DMD: variants seen among roughly 807,000 people sequenced by gnomAD.
DMD encodes the protein dystrophin.
DMD carries 63 observed loss-of-function variants against 330.1 expected under a neutral mutation model. The observed-to-expected ratio is 0.19, with a 90% CI of 0.16 to 0.24. The LOEUF (loss-of-function observed/expected upper bound fraction) is 0.24. Ranked by LOEUF, DMD falls within the 10% of genes least tolerant of loss-of-function variation. The pLI, the probability that DMD is intolerant of heterozygous loss-of-function variation, is 1.00. For missense variants in DMD, 3,344 were observed against 2,684.1 expected (o/e 1.25, Z -5.43); for synonymous variants, 1,223 against 959.8 (o/e 1.27, Z -5.07).
At chrX:31,331,768 C>T (rs904937922) in intron 61 of DMD, among the ~76,000 whole-genome samples, 3 of 111,764 alleles carry the variant, frequency 2.7e-5, no homozygotes, top group Non-Finnish European at 3.8e-5. Flanking sequence ...TTTTAAAAGA[C>T]GACAGGCAGT....
intron 20 of DMD, among the ~76,000 whole-genome samples, chrX:32,486,734 A>G (rs1015940009): frequency 2.8e-5 from 3 of 106,545 alleles, no homozygotes; most frequent in African/African-American, 1.0e-4. Context: ...AAACCTGACA[A>G]AAACAAGCAA....
chrX:33,217,082 A>G lies in DMD; in HGVS notation c.7+122177T>C, dbSNP rs767279381. Among the ~76,000 whole-genome samples the G allele has an allele frequency of 2.7e-5, 3 of 111,757 alleles. No individual in the cohort carries two copies. In the East Asian group the frequency reaches 8.4e-4, roughly 31 times the overall value. On this transcript the variant is annotated intron_variant, in intron 1 of 17. Transcript: ENST00000288447. ...TTATATAAAATTCACAAATTTATTG[A>G]TTAGGGAAAAAATCATTATGGATCA... is the stretch of plus-strand genomic sequence containing the variant.
At chrX:32,844,417 A>AAAAAGAAAAG (rs1281080010) in intron 4 of DMD, among the ~76,000 whole-genome samples, 5 of 59,242 alleles carry the variant, frequency 8.4e-5, no homozygotes, top group African/African-American at 3.6e-4. Context: ...AAAAAAAAAA[A>AAAAAGAAAAG]AAAAGAAAAG....
chrX:31,809,271 T>C (rs1411758325), intron 50 of DMD, among the ~76,000 whole-genome samples: 1 of 107,118 alleles, frequency 9.3e-6, no homozygotes, highest in African/African-American at 3.3e-5. Context: ...TATAACCATA[T>C]ATAGTGACAT....
intron 53 of DMD, among the ~76,000 whole-genome samples, chrX:31,677,986 C>T (rs2082172470): frequency 8.9e-6 from 1 of 112,077 alleles, no homozygotes; most frequent in Non-Finnish European, 1.9e-5. Flanking sequence ...TCCTTTTCTG[C>T]AGTGGCTTTT....
chrX:32,469,277 T>A (rs931523895), intron 22 of DMD, among the ~76,000 whole-genome samples: 2 of 110,778 alleles, frequency 1.8e-5, no homozygotes, highest in Admixed American at 1.9e-4. Context: ...ACATGTAATT[T>A]CTTACAGTAG....
At chrX:32,162,130 T>C (rs1472377925) in intron 44 of DMD, among the ~76,000 whole-genome samples, 1 of 111,520 alleles carries the variant, frequency 9.0e-6, no homozygotes, top group Admixed American at 9.5e-5. Flanking sequence ...TGTATACCTA[T>C]GTAACAAACC....
At chrX:31,248,623 C>T (rs2049050550) in intron 63 of DMD, among the ~76,000 whole-genome samples, 1 of 111,534 alleles carries the variant, frequency 9.0e-6, no homozygotes, top group Non-Finnish European at 1.9e-5. Context: ...CAATCATTTG[C>T]TTGTTGGTTT....
chrX:32,260,325 T>C (rs2148271128), intron 43 of DMD, among the ~76,000 whole-genome samples: 1 of 111,865 alleles, frequency 8.9e-6, no homozygotes, highest in Non-Finnish European at 1.9e-5. Context: ...TATCAGACTT[T>C]ATATGAGCAA....
In DMD at chrX:31,393,919, T is replaced by C. The variant is rs1020900869; in HGVS notation, c.9085-45285A>G. Among the ~76,000 whole-genome samples, 3 of 112,275 alleles carry C rather than the reference T, an allele frequency of 2.7e-5. No homozygotes were observed. The Admixed American group carries it at 2.8e-4, about 11-fold the overall frequency. ...TTCACTTTATGCATGTTAAACACTG[T>C]TACTGTTAGCTAAATTGCTCTTTAC... On this transcript the variant is annotated intron_variant, in intron 60 of 78. Coordinates refer to ENST00000357033, the MANE Select transcript of DMD (RefSeq NM_004006.3).
intron 54 of DMD, among the ~76,000 whole-genome samples, chrX:31,644,114 G>A (rs2079940615): frequency 9.0e-6 from 1 of 111,502 alleles, no homozygotes; most frequent in Admixed American, 9.6e-5. Flanking sequence ...GCAAACTTTG[G>A]CAAAACTTTG....
intron 76 of DMD, among the ~76,000 whole-genome samples, chrX:31,136,817 C>T (rs2035297914): frequency 9.0e-6 from 1 of 111,647 alleles, no homozygotes. Flanking sequence ...TATGAGTGTC[C>T]AAGTATAATA....
intron 50 of DMD, among the ~76,000 whole-genome samples, chrX:31,784,997 G>A (rs1016898813): frequency 9.0e-6 from 1 of 111,221 alleles, no homozygotes; most frequent in Non-Finnish European, 1.9e-5. Context: ...TATTAACTGC[G>A]GCATAATTCA....
chrX:32,241,724 C>T (rs912544722), intron 43 of DMD, among the ~76,000 whole-genome samples: 5 of 112,350 alleles, frequency 4.5e-5, no homozygotes, highest in Non-Finnish European at 7.5e-5. Context: ...ATCTTGTCAT[C>T]AACATATATT....
chrX:31,152,567 TC>T (rs756851437), intron 74 of DMD, among the ~76,000 whole-genome samples: 1 of 109,666 alleles, frequency 9.1e-6, no homozygotes, highest in South Asian at 4.0e-4. Context: ...AGGGTCTCAC[TC>T]TGTTGCCCAG....
chrX:32,152,682 T>C (rs2096810864), intron 44 of DMD, among the ~76,000 whole-genome samples: 1 of 111,838 alleles, frequency 8.9e-6, no homozygotes, highest in Non-Finnish European at 1.9e-5. Flanking sequence ...TCATAAAAAC[T>C]ACTGTTATTT....
intron 44 of DMD, among the ~76,000 whole-genome samples, chrX:32,013,957 T>C (rs949790274): frequency 2.7e-5 from 3 of 112,233 alleles, no homozygotes; most frequent in Non-Finnish European, 5.6e-5. Flanking sequence ...AACATCCCCT[T>C]GGTTTCTATA....
At chrX:31,382,048 G>C (rs969341371) in intron 60 of DMD, among the ~76,000 whole-genome samples, 3 of 111,263 alleles carry the variant, frequency 2.7e-5, no homozygotes, top group African/African-American at 9.8e-5. Flanking sequence ...TCCTCGGTTT[G>C]GCCTTCCCAC....
At chrX:31,455,077 C>T (rs898413803) in intron 59 of DMD, among the ~76,000 whole-genome samples, 4 of 107,563 alleles carry the variant, frequency 3.7e-5, no homozygotes, top group Non-Finnish European at 7.7e-5. Flanking sequence ...CATGAGCCAC[C>T]GTGCCTGGCC....
Sources: gnomAD v4.1 joint callset for allele counts (sites outside exome capture counted in the v4.1 genomes callset) on GRCh38, gnomAD v4.1.1 for gene constraint, MANE v1.5 for transcripts, NCBI Gene and HGNC (gene_info 2026-07-23, HGNC 2026-07-21) for gene names.